The following ANK2 variants were observed in gnomAD, a reference collection of about 807,000 sequenced individuals.
ANK2 encodes ankyrin 2, also known as ankyrin-2.
Under a neutral mutation model 360.5 loss-of-function variants are expected in ANK2, and 83 were observed. The ratio of observed to expected loss-of-function variants is 0.23; its 90% CI spans 0.19 to 0.28. The LOEUF is 0.28. Among genes scored for constraint, ANK2 ranks in the 10% least tolerant of loss-of-function variants. The pLI is 1.00. For synonymous variants in ANK2, 1,740 were observed against 1,759.5 expected (o/e 0.99, Z 0.28); for missense variants, 4,201 against 4,795.7 (o/e 0.88, Z 3.66).
intron 5 of ANK2, among the ~76,000 whole-genome samples, chr4:113,236,073 T>G (rs1276773800): frequency 6.6e-6 from 1 of 152,146 alleles, no homozygotes; most frequent in Non-Finnish European, 1.5e-5. Context: ...TGCCCATATT[T>G]TTTTCTCTAT....
the ANK2 span, among the ~76,000 whole-genome samples, chr4:112,784,224 G>A: frequency 6.6e-5 from 10 of 151,322 alleles, no homozygotes; most frequent in African/African-American, 2.4e-4. Flanking sequence ...TTGAGACCAG[G>A]TCTCGCTTGC....
chr4:113,325,103 T>TA (rs2089023148), intron 26 of ANK2, among the ~76,000 whole-genome samples: 1 of 152,214 alleles, frequency 6.6e-6, no homozygotes, highest in Non-Finnish European at 1.5e-5. Flanking sequence ...CAAGAGTTTC[T>TA]ACTTTGCATG....
At chr4:113,003,307 A>G (rs1284244597) in intron 2 of ANK2, among the ~76,000 whole-genome samples, 1 of 152,202 alleles carries the variant, frequency 6.6e-6, no homozygotes, top group Non-Finnish European at 1.5e-5. Flanking sequence ...GCTTAGGTAA[A>G]TTCTATATCA....
At chr4:112,954,312 C>G (rs2095228595) in intron 2 of ANK2, among the ~76,000 whole-genome samples, 1 of 149,046 alleles carries the variant, frequency 6.7e-6, no homozygotes, top group Non-Finnish European at 1.5e-5. Context: ...TTAGTTCCCT[C>G]TACAGAGTTA....
At chr4:113,312,159 A>G (rs1423875506) in intron 24 of ANK2, among the ~76,000 whole-genome samples, 4 of 138,224 alleles carry the variant, frequency 2.9e-5, no homozygotes, top group African/African-American at 1.3e-4. Flanking sequence ...AGCTGGGTGC[A>G]GTGGCTGGGT....
At chr4:113,031,541 G>A (rs1475582049) in intron 2 of ANK2, 1 of 151,928 alleles carries the variant, frequency 6.6e-6, no homozygotes, top group Non-Finnish European at 1.5e-5. Flanking sequence ...TTAAAGTAAA[G>A]ATATTATTTC....
At chr4:112,713,500 C>T in the ANK2 span, among the ~76,000 whole-genome samples, 1 of 151,954 alleles carries the variant, frequency 6.6e-6, no homozygotes, top group East Asian at 1.9e-4. Flanking sequence ...ACCCTGGAGG[C>T]GGAGGTTGCG....
chr4:113,343,986 C>T (rs949853510), intron 34 of ANK2, among the ~76,000 whole-genome samples: 12 of 151,782 alleles, frequency 7.9e-5, no homozygotes, highest in Non-Finnish European at 1.5e-4. Flanking sequence ...TATTATTTTT[C>T]CAAACATGTG....
rs2095590693 is a variant in ANK2 at position 113,354,160 on chromosome 4, T to G, written c.5542T>G (p.Ser1848Ala). The change falls in exon 38 of 46, where the codon TCA (serine) becomes GCA (alanine). Residue 1848 changes from serine to alanine, a missense_variant. Coordinates refer to ENST00000357077, the MANE Select transcript of ANK2 (RefSeq NM_001148.6). ...KTERHPPVSP[S>A]SKTEKHSPVS... ...TGAAAGGCACCCTCCAGTATCACCATCAAGTAAAACTGAGAAACACTCACC... is the reference window on the plus strand; with the variant it reads ...TGAAAGGCACCCTCCAGTATCACCAGCAAGTAAAACTGAGAAACACTCACC... 7.4e-6 allele frequency: 12 copies of G among 1,613,932 alleles called. No homozygotes were observed. The highest frequency in any genetic ancestry group is 1.0e-5 in the Non-Finnish European group (12 of 1,179,990).
intron 2 of ANK2, among the ~76,000 whole-genome samples, chr4:112,952,805 C>T (rs1173024427): frequency 6.6e-6 from 1 of 152,102 alleles, no homozygotes; most frequent in Non-Finnish European, 1.5e-5. Flanking sequence ...TATGCTTCCT[C>T]ATATTGTCTC....
intron 29 of ANK2, among the ~76,000 whole-genome samples, chr4:113,333,480 G>A (rs1212424076): frequency 6.6e-6 from 1 of 152,110 alleles, no homozygotes; most frequent in Non-Finnish European, 1.5e-5. Flanking sequence ...AAGAGATGCA[G>A]CATGCTTCCA....
chr4:113,106,821 C>A (rs779563276), intron 1 of ANK2: 2 of 510,796 alleles, frequency 3.9e-6, no homozygotes, highest in East Asian at 1.1e-4. Context: ...ACTCTGTACT[C>A]TTTTATTTTA....
At chr4:112,991,908 T>C (rs908826697) in intron 2 of ANK2, among the ~76,000 whole-genome samples, 5 of 152,078 alleles carry the variant, frequency 3.3e-5, no homozygotes, top group Admixed American at 3.3e-4. Flanking sequence ...ATTAATATGT[T>C]CCTCATTTCC....
intron 2 of ANK2, among the ~76,000 whole-genome samples, chr4:112,969,358 A>G (rs181122083): frequency 1.3e-5 from 2 of 152,300 alleles, no homozygotes; most frequent in East Asian, 3.9e-4. Flanking sequence ...ACAGGCATTC[A>G]TGTAGGTTGG....
rs1261506316 is a variant in ANK2 at position 113,357,225 on chromosome 4, T to C, written c.8607T>C (p.Ser2869=). ...TAGATGAAGACATATCTGCCACATC[T>C]TCTATTCAAAAAACAGAGGTCACAA... The part of the protein sequence containing the change: ...KELDEDISAT[S]SIQKTEVTKT... The change falls in exon 38 of 46, where the codon TCT becomes TCC. Residue 2869 remains serine, a synonymous_variant. Coordinates refer to ENST00000357077, the MANE Select transcript of ANK2 (RefSeq NM_001148.6). The C allele has an allele frequency of 6.2e-7, 1 of 1,613,960 alleles. No individual in the cohort carries two copies. Among genetic ancestry groups the C allele is most frequent in the Non-Finnish European group, 8.5e-7 (1 of 1,179,998 alleles).
At chr4:113,145,902 G>A in intron 1 of ANK2, 1 of 1,289,798 alleles carries the variant, frequency 7.8e-7, no homozygotes, top group Non-Finnish European at 1.0e-6. Context: ...TTCTTGCCAT[G>A]CGGATAAGAG....
chr4:113,206,096 A>C (rs1262959327), intron 4 of ANK2, among the ~76,000 whole-genome samples: 1 of 152,126 alleles, frequency 6.6e-6, no homozygotes, highest in Non-Finnish European at 1.5e-5. Flanking sequence ...ATTTAATTTA[A>C]ATTTATTTTA....
chr4:113,286,802 T>G lies in ANK2; in HGVS notation c.2080-803T>G, dbSNP rs910324716. Among the ~76,000 whole-genome samples, 7 of 152,276 alleles carry G rather than the reference T, an allele frequency of 4.6e-5. No individual in the cohort carries two copies. The East Asian group carries it at 1.4e-3, about 29-fold the overall frequency. On this transcript the variant is annotated intron_variant, in intron 18 of 45. Coordinates refer to ENST00000357077, the MANE Select transcript of ANK2 (RefSeq NM_001148.6). ...TAAGCTCCATAAAGACAGAAACTTT[T>G]GTTCACTGCTGTATTCAAGTGCCTA...
At chr4:113,106,431 G>A (rs1581740483) in intron 1 of ANK2, among the ~76,000 whole-genome samples, 1 of 152,118 alleles carries the variant, frequency 6.6e-6, no homozygotes, top group African/African-American at 2.4e-5. Context: ...TTGGAGAAGG[G>A]CCTCCAAGCT....
Sources: gnomAD v4.1 joint callset for allele counts (sites outside exome capture counted in the v4.1 genomes callset) on GRCh38, gnomAD v4.1.1 for gene constraint, MANE v1.5 for transcripts, NCBI Gene and HGNC (gene_info 2026-07-23, HGNC 2026-07-21) for gene names.